Variants in CYP2C19 observed in about 807,000 individuals in gnomAD.
CYP2C19 encodes cytochrome P450 2C19.
A neutral mutation model predicts 40.9 loss-of-function variants in CYP2C19; 59 were observed. The ratio of observed to expected loss-of-function variants is 1.44; its 90% CI spans 1.17 to 1.79. The LOEUF (loss-of-function observed/expected upper bound fraction) is 1.79. Ranked by LOEUF, CYP2C19 falls within the 40% of genes most tolerant of loss-of-function variation. The pLI is 0.00. For missense variants in CYP2C19, 754 were observed against 596.9 expected (o/e 1.26, Z -2.74); for synonymous variants, 253 against 208.7 (o/e 1.21, Z -1.83).
intron 5 of CYP2C19, among the ~76,000 whole-genome samples, chr10:94,785,920 G>T (rs897364145): frequency 6.6e-6 from 1 of 151,982 alleles, no homozygotes; most frequent in Non-Finnish European, 1.5e-5. Flanking sequence ...ATTAGAGTGG[G>T]TTGGCCAGCC....
chr10:94,835,986 T>A (rs1849397293), intron 6 of CYP2C19, among the ~76,000 whole-genome samples: 2 of 152,206 alleles, frequency 1.3e-5, no homozygotes, highest in Non-Finnish European at 2.9e-5. Context: ...AGGGAACCTC[T>A]AAAAGTTCCC....
chr10:94,835,601 A>G (rs1849390425), intron 6 of CYP2C19, among the ~76,000 whole-genome samples: 1 of 151,566 alleles, frequency 6.6e-6, no homozygotes, highest in African/African-American at 2.4e-5. Flanking sequence ...TTCCTTTCTG[A>G]TGACCCCAGC....
In CYP2C19 at chr10:94,781,982, G is replaced by A. The variant is rs756556587; in HGVS notation, c.804G>A (p.Leu268=). 5 of 1,535,400 alleles carry A rather than the reference G, an allele frequency of 3.3e-6. No homozygotes were observed. Among genetic ancestry groups the A allele is most frequent in the Non-Finnish European group, 4.3e-6 (5 of 1,149,870 alleles). The change falls in exon 5 of 9, where the codon CTG becomes CTA. Residue 268 remains leucine, a synonymous_variant. Transcript: ENST00000371321. ...NNPRDFIDCF[L]IKMEKEKQNQ... ...CTCGGGACTTTATTGATTGCTTCCT[G>A]ATCAAAATGGAGAAGGTAAAATGTT...
In CYP2C19 at chr10:94,763,001, T is replaced by A. The variant is rs552505874; in HGVS notation, c.168+128T>A. 1.5e-4 allele frequency: 147 copies of A among 979,680 alleles called. 1 individual carries two copies. The East Asian group carries it at 3.7e-3, about 25-fold the overall frequency. The allele number at this position is 979,680 out of a possible 1,614,324, so 60.7% of individuals were successfully genotyped here. A position where few individuals can be genotyped will look rare whatever the true frequency, so the allele number is the denominator to read the frequency against. ...AAAGTAAAATACTTTGAAAGGCTTT[T>A]GTTGCCTTTTCCAGTCTGTCAGTGT... On this transcript the variant is annotated intron_variant, in intron 1 of 8. Transcript: ENST00000371321.
At chr10:94,826,430 G>T (rs556933334) in intron 6 of CYP2C19, among the ~76,000 whole-genome samples, 166 of 152,242 alleles carry the variant, frequency 1.1e-3, no homozygotes, top group African/African-American at 3.9e-3. Flanking sequence ...ATTGTGAATG[G>T]TAGTTCACTC....
intron 5 of CYP2C19, among the ~76,000 whole-genome samples, chr10:94,782,665 G>T (rs189674012): frequency 1.3e-5 from 2 of 152,132 alleles, no homozygotes; most frequent in East Asian, 1.9e-4. Flanking sequence ...GTACACATTT[G>T]TTTATTGTGC....
At chr10:94,802,721 C>T (rs540337217) in intron 5 of CYP2C19, among the ~76,000 whole-genome samples, 2 of 152,180 alleles carry the variant, frequency 1.3e-5, no homozygotes, top group South Asian at 2.1e-4. Flanking sequence ...GTGGCTGGTA[C>T]CAATTTTTCC....
At chr10:94,798,242 T>C (rs1848715398) in intron 5 of CYP2C19, among the ~76,000 whole-genome samples, 1 of 152,320 alleles carries the variant, frequency 6.6e-6, no homozygotes, top group South Asian at 2.1e-4. Context: ...CTTCATTTCG[T>C]TATGTCCCCA....
At chr10:94,829,108 A>T (rs1315769290) in intron 6 of CYP2C19, among the ~76,000 whole-genome samples, 1 of 151,874 alleles carries the variant, frequency 6.6e-6, no homozygotes, top group Non-Finnish European at 1.5e-5. Context: ...TTTTTCCTTC[A>T]TTTCAACTTT....
At chr10:94,830,450 C>A (rs1343938695) in intron 6 of CYP2C19, among the ~76,000 whole-genome samples, 2 of 152,162 alleles carry the variant, frequency 1.3e-5, no homozygotes, top group African/African-American at 4.8e-5. Context: ...TTCTTTGACT[C>A]AGAAAGGGAA....
At chr10:94,769,146 AG>A (rs1223269482) in intron 1 of CYP2C19, among the ~76,000 whole-genome samples, 10 of 151,954 alleles carry the variant, frequency 6.6e-5, no homozygotes, top group Admixed American at 3.9e-4. Flanking sequence ...CTGTAGGCAA[AG>A]CTGGGCCTTT....
chr10:94,840,220 G>A lies in CYP2C19; in HGVS notation c.962-2617G>A, dbSNP rs114370660. 1.7e-3 allele frequency among the ~76,000 whole-genome samples: 261 copies of A among 151,210 alleles called. 2 individuals are homozygous for A. Among genetic ancestry groups the A allele is most frequent in the Non-Finnish European group, 2.9e-3 (195 of 67,850 alleles). On this transcript the variant is annotated intron_variant, in intron 6 of 8. Transcript: ENST00000371321. Reference sequence around the variant, plus strand: ...AATTTACCCTGGCTTTTAAAGGAATGGGGCACACTTTTTTTTTTTTTAACT... The same window carrying A: ...AATTTACCCTGGCTTTTAAAGGAATAGGGCACACTTTTTTTTTTTTTAACT...
rs560318868 is a variant in CYP2C19 at position 94,771,018 on chromosome 10, C to T, written c.169-4040C>T. The stretch of plus-strand genomic sequence containing the variant: ...CATTAAAGGCCAGGGTTTGATCTAA[C>T]AATAGCATGACATCTCTCCAAGTGA... On this transcript the variant is annotated intron_variant, in intron 1 of 8. Transcript: ENST00000371321. Among the ~76,000 whole-genome samples the T allele has an allele frequency of 1.2e-3, 184 of 152,316 alleles. 1 individual carries two copies. The South Asian group carries it at 0.037, about 31-fold the overall frequency.
intron 6 of CYP2C19, among the ~76,000 whole-genome samples, chr10:94,825,353 C>A (rs1279599718): frequency 1.3e-5 from 2 of 148,782 alleles, no homozygotes; most frequent in Admixed American, 6.7e-5. Flanking sequence ...ACCATTCTAA[C>A]TGGTGTGAGA....
chr10:94,763,351 G>A (rs17879750), intron 1 of CYP2C19, among the ~76,000 whole-genome samples: 1,583 of 152,284 alleles, frequency 0.01, 20 homozygotes, highest in Non-Finnish European at 0.013. Flanking sequence ...CAGATAAGCG[G>A]TAGATAAGAA....
chr10:94,848,804 G>A (rs1325698493), intron 7 of CYP2C19, among the ~76,000 whole-genome samples: 2 of 152,178 alleles, frequency 1.3e-5, no homozygotes, highest in East Asian at 3.8e-4. Context: ...TCCCTTGTAA[G>A]TTGGATTCCT....
At chr10:94,780,987 G>A (rs1259548586) in intron 4 of CYP2C19, among the ~76,000 whole-genome samples, 2 of 152,036 alleles carry the variant, frequency 1.3e-5, no homozygotes, top group African/African-American at 4.8e-5. Context: ...CAGGCACTTT[G>A]GAGTCTTCCA....
intron 1 of CYP2C19, among the ~76,000 whole-genome samples, chr10:94,765,566 G>GA (rs373561842): frequency 6.6e-5 from 10 of 152,200 alleles, no homozygotes; most frequent in South Asian, 6.2e-4. Context: ...TCCCATTGGA[G>GA]AAAAAACCGT....
Position 94,840,814 on chromosome 10 carries a change from G to T in CYP2C19, c.962-2023G>T, listed in dbSNP as rs183824136. 1.6e-3 allele frequency among the ~76,000 whole-genome samples: 237 copies of T among 152,274 alleles called. 1 individual carries two copies. Among genetic ancestry groups the T allele is most frequent in the Non-Finnish European group, 2.7e-3 (186 of 68,016 alleles). ...GGCAGACCAACATTCCCAATAGAAG[G>T]GTTGGTTGTTAGAAAGCCCTTCCCC... On this transcript the variant is annotated intron_variant, in intron 6 of 8. Coordinates refer to ENST00000371321, the MANE Select transcript of CYP2C19 (RefSeq NM_000769.4).
Sources: gnomAD v4.1 joint callset for allele counts (sites outside exome capture counted in the v4.1 genomes callset) on GRCh38, gnomAD v4.1.1 for gene constraint, MANE v1.5 for transcripts, NCBI Gene and HGNC (gene_info 2026-07-23, HGNC 2026-07-21) for gene names.